The following HMGCLL1 variants were observed in gnomAD, a reference collection of about 807,000 sequenced individuals.
HMGCLL1 encodes the protein 3-hydroxy-3-methylglutaryl-CoA lyase like 1.
A neutral mutation model predicts 39.1 loss-of-function variants in HMGCLL1; 36 were observed. The observed-to-expected ratio is 0.92, with a 90% CI of 0.71 to 1.22. HMGCLL1 has a LOEUF of 1.22. Among genes scored for constraint, HMGCLL1 ranks in the 50% most tolerant of loss-of-function variants. The pLI, the probability that HMGCLL1 is intolerant of heterozygous loss-of-function variation, is 0.00. For synonymous variants in HMGCLL1, 149 were observed against 144.0 expected (o/e 1.03, Z -0.25); for missense variants, 451 against 416.5 (o/e 1.08, Z -0.72).
chr6:55,499,255 GTAATA>G lies in HMGCLL1; in HGVS notation c.582_586del (p.Ile195ThrfsTer9). On this transcript the variant is annotated frameshift_variant, in exon 6 of 9. Transcript: ENST00000274901. LOFTEE classifies it high-confidence loss of function. ...GCTTACTTCTGTCACTTTTTGCGGT[GTAATA>G]CTTCCTTCATATGGACAGCCCAGAG... 2 of 1,610,074 alleles carry G rather than the reference GTAATA, an allele frequency of 1.2e-6. No individual in the cohort carries two copies. The highest frequency in any genetic ancestry group is 8.5e-7 in the Non-Finnish European group (1 of 1,177,974).
At chr6:55,560,550 C>T (rs1292102168) in intron 1 of HMGCLL1, among the ~76,000 whole-genome samples, 1 of 152,134 alleles carries the variant, frequency 6.6e-6, no homozygotes, top group East Asian at 1.9e-4. Flanking sequence ...ATTATATATA[C>T]ACCTTCAGTG....
rs144093008 is a variant in HMGCLL1 at position 55,440,470 on chromosome 6, G to A, written c.796-911C>T. Among the ~76,000 whole-genome samples, 15 of 152,166 alleles carry A rather than the reference G, an allele frequency of 9.9e-5. No individual in the cohort carries two copies. The East Asian group carries it at 2.1e-3, about 22-fold the overall frequency. On this transcript the variant is annotated intron_variant, in intron 7 of 8. Coordinates refer to ENST00000274901, the MANE Select transcript of HMGCLL1 (RefSeq NM_001042406.2). The stretch of plus-strand genomic sequence containing the variant: ...GAGGTGGAAGAGCTCTCTGTGTACC[G>A]GAGAAGTTATGGAAGACATGAGTAC...
rs1453555493 is a variant in HMGCLL1 at position 55,477,196 on chromosome 6, A to AATATAT, written c.795+18222_795+18223insATATAT. 1.3e-3 allele frequency among the ~76,000 whole-genome samples: 35 copies of AATATAT among 27,838 alleles called. 1 individual carries two copies. The highest frequency in any genetic ancestry group is 9.2e-3 in the African/African-American group (34 of 3,676). 18.3% of individuals were successfully genotyped at this position (27,838 alleles called of 152,430 possible). On this transcript the variant is annotated intron_variant, in intron 7 of 8. Coordinates refer to ENST00000274901, the MANE Select transcript of HMGCLL1 (RefSeq NM_001042406.2). Reference sequence around the variant, plus strand: ...TATATATTATATTTATATATTATATATTATATAATATATATTATATTATAA... The same window carrying AATATAT: ...TATATATTATATTTATATATTATATAATATATTTATATAATATATATTATATTATAA...
chr6:55,607,449 A>G, the HMGCLL1 span, among the ~76,000 whole-genome samples: 4 of 152,140 alleles, frequency 2.6e-5, no homozygotes, highest in African/African-American at 7.2e-5. Context: ...GAGTTGCTGC[A>G]CTAGCTTCTG....
intron 1 of HMGCLL1, among the ~76,000 whole-genome samples, chr6:55,565,547 TAA>T (rs1771172502): frequency 6.6e-6 from 1 of 152,102 alleles, no homozygotes; most frequent in Admixed American, 6.6e-5. Context: ...ACTTTTTAAT[TAA>T]GACAAATGAT....
At chr6:55,677,221 A>G in the HMGCLL1 span, among the ~76,000 whole-genome samples, 1 of 151,996 alleles carries the variant, frequency 6.6e-6, no homozygotes, top group Non-Finnish European at 1.5e-5. Context: ...ATATGGTGAG[A>G]CTCCGACTCT....
the HMGCLL1 span, among the ~76,000 whole-genome samples, chr6:55,596,032 A>C: frequency 5.3e-5 from 8 of 152,192 alleles, no homozygotes; most frequent in African/African-American, 1.9e-4. Flanking sequence ...TTATTAAAAA[A>C]GGAATTGGAA....
At chr6:55,547,918 A>T (rs1017455607) in intron 1 of HMGCLL1, among the ~76,000 whole-genome samples, 1 of 152,030 alleles carries the variant, frequency 6.6e-6, no homozygotes, top group Non-Finnish European at 1.5e-5. Context: ...TTGATCATCC[A>T]GAGCAATCAA....
intron 3 of HMGCLL1, among the ~76,000 whole-genome samples, chr6:55,532,125 G>A (rs1209041115): frequency 6.6e-6 from 1 of 151,938 alleles, no homozygotes; most frequent in East Asian, 1.9e-4. Flanking sequence ...TTATGTTTTG[G>A]TTATTTTTTT....
the HMGCLL1 span, among the ~76,000 whole-genome samples, chr6:55,632,422 A>G: frequency 1.3e-5 from 2 of 150,340 alleles, no homozygotes; most frequent in Admixed American, 1.3e-4. Flanking sequence ...ATTTCTTATA[A>G]TTAATAATCA....
upstream of HMGCLL1, among the ~76,000 whole-genome samples, chr6:55,583,383 C>T (rs145452073): frequency 0.038 from 5,762 of 150,074 alleles, 151 homozygotes; most frequent in Non-Finnish European, 0.058. Flanking sequence ...GTGTGATGTT[C>T]CCCTTCCTAT....
At chr6:55,531,309 C>CA (rs1768654150) in intron 3 of HMGCLL1, among the ~76,000 whole-genome samples, 2 of 152,054 alleles carry the variant, frequency 1.3e-5, no homozygotes, top group Admixed American at 1.3e-4. Flanking sequence ...CACAGTAATG[C>CA]AAAAAAGACC....
At chr6:55,489,026 T>C (rs1487777957) in intron 7 of HMGCLL1, among the ~76,000 whole-genome samples, 1 of 151,900 alleles carries the variant, frequency 6.6e-6, no homozygotes, top group East Asian at 1.9e-4. Context: ...AAAAAAACAG[T>C]CATGTGATAA....
intron 1 of HMGCLL1, among the ~76,000 whole-genome samples, chr6:55,547,451 T>C (rs979306822): frequency 6.6e-6 from 1 of 151,924 alleles, no homozygotes. Flanking sequence ...AAGTACTGCT[T>C]TTTTTTCCCC....
rs931592302 is a variant in HMGCLL1, at chr6:55,516,573, T to C, written c.328A>G (p.Ile110Val). Residue 110 changes from isoleucine to valine, a missense_variant, in exon 4 of 9, where the codon ATT becomes GTT. Physicochemically the swap from Ile to Val is conservative, Grantham distance 29. Coordinates refer to ENST00000274901, the MANE Select transcript of HMGCLL1 (RefSeq NM_001042406.2). The stretch of plus-strand genomic sequence containing the variant: ...TAGCGAACTCCTGGATATTGATGAA[T>C]GCCTTTCATTACTTCAGTGTGATCA... Reference protein sequence around the residue: ...MADHTEVMKGIHQYPGVRYPV... With the variant: ...MADHTEVMKGVHQYPGVRYPV... The C allele has an allele frequency of 3.3e-5, 53 of 1,601,570 alleles. No homozygotes were observed. The highest frequency in any genetic ancestry group is 6.7e-5 in the Admixed American group (4 of 59,876).
chr6:55,625,674 T>A, the HMGCLL1 span, among the ~76,000 whole-genome samples: 1 of 152,084 alleles, frequency 6.6e-6, no homozygotes, highest in Non-Finnish European at 1.5e-5. Flanking sequence ...GAAGGAGAAA[T>A]AGTCAGATTT....
At chr6:55,508,997 A>G (rs1581874360) in intron 5 of HMGCLL1, among the ~76,000 whole-genome samples, 2 of 151,948 alleles carry the variant, frequency 1.3e-5, no homozygotes, top group South Asian at 2.1e-4. Flanking sequence ...AACTGCACAA[A>G]CCCAGCTTAC....
intron 1 of HMGCLL1, among the ~76,000 whole-genome samples, chr6:55,578,467 G>A (rs1006970858): frequency 3.9e-5 from 6 of 152,232 alleles, no homozygotes; most frequent in African/African-American, 1.4e-4. Context: ...ATACATTTGG[G>A]ATAATTAATG....
At chr6:55,445,041 T>G (rs552810473) in intron 7 of HMGCLL1, among the ~76,000 whole-genome samples, 51 of 152,164 alleles carry the variant, frequency 3.4e-4, no homozygotes, top group Admixed American at 4.6e-4. Context: ...AATATGTGGA[T>G]TTAAAGTTTA....
Sources: gnomAD v4.1 joint callset for allele counts (sites outside exome capture counted in the v4.1 genomes callset) on GRCh38, gnomAD v4.1.1 for gene constraint, MANE v1.5 for transcripts, NCBI Gene and HGNC (gene_info 2026-07-23, HGNC 2026-07-21) for gene names.